COBL: variants seen among roughly 807,000 people sequenced by gnomAD.
COBL encodes protein cordon-bleu.
Under a neutral mutation model 98.8 loss-of-function variants are expected in COBL, and 51 were observed. The observed-to-expected ratio is 0.52, with a 90% CI of 0.41 to 0.65. The LOEUF (loss-of-function observed/expected upper bound fraction) is 0.65, where lower values mean the gene tolerates loss of function less well. Ranked by LOEUF, COBL falls within the 30% of genes least tolerant of loss-of-function variation. The probability of loss-of-function intolerance (pLI) is 0.00; values close to 1 mark genes in which losing one functional copy is unlikely to be tolerated. For synonymous variants in COBL, 634 were observed against 651.7 expected, an observed-to-expected ratio of 0.97 and a Z score of 0.41; for missense variants, 1,617 against 1,617.5, an observed-to-expected ratio of 1.00 and a Z score of 0.01.
Position 51,185,094 on chromosome 7 carries a change from A to G in COBL, c.686-895T>C, listed in dbSNP as rs1789367104. Reference sequence around the variant, plus strand: ...AACCCCTCTTGAATTTTTCTTCATCAGGATTCTAGAGCCAGGTTGGAACCT... The same window carrying G: ...AACCCCTCTTGAATTTTTCTTCATCGGGATTCTAGAGCCAGGTTGGAACCT... On this transcript the variant is annotated intron_variant, in intron 4 of 12. Transcript: ENST00000265136. Among the ~76,000 whole-genome samples, 2 of 152,138 alleles carry G rather than the reference A, an allele frequency of 1.3e-5. 1 individual carries two copies. Among genetic ancestry groups the G allele is most frequent in the South Asian group, 4.1e-4 (2 of 4,826 alleles).
At chr7:51,205,618 G>A (rs1408867113) in intron 2 of COBL, among the ~76,000 whole-genome samples, 1 of 145,314 alleles carries the variant, frequency 6.9e-6, no homozygotes, top group Non-Finnish European at 1.5e-5. Context: ...GCAGTTTTTT[G>A]TTTGTTTGTT....
chr7:51,053,036 G>C (rs978319674), intron 7 of COBL, among the ~76,000 whole-genome samples: 1 of 152,138 alleles, frequency 6.6e-6, no homozygotes, highest in African/African-American at 2.4e-5. Flanking sequence ...GCCTTTAACT[G>C]CATTTCCTTC....
chr7:51,209,061 A>AC (rs1467004481), intron 2 of COBL, among the ~76,000 whole-genome samples: 141 of 113,832 alleles, frequency 1.2e-3, no homozygotes, highest in Middle Eastern at 3.9e-3. Context: ...AAAAAAAAAA[A>AC]AAAAAAAAAA....
intron 1 of COBL, among the ~76,000 whole-genome samples, chr7:51,228,693 A>G (rs1794438399): frequency 6.6e-6 from 1 of 152,190 alleles, no homozygotes; most frequent in Admixed American, 6.5e-5. Context: ...CTGATATCTC[A>G]CAACACATCA....
chr7:51,098,042 A>C (rs1795453678), intron 6 of COBL, among the ~76,000 whole-genome samples: 1 of 138,238 alleles, frequency 7.2e-6, no homozygotes, highest in Non-Finnish European at 1.6e-5. Context: ...AAAAAAAAAA[A>C]GCAATAAGCT....
At chr7:51,131,680 A>G (rs1003588579) in intron 6 of COBL, among the ~76,000 whole-genome samples, 5 of 145,190 alleles carry the variant, frequency 3.4e-5, no homozygotes, top group Non-Finnish European at 7.5e-5. Context: ...TGCAACCCCC[A>G]CCTTCCAGTT....
intron 6 of COBL, among the ~76,000 whole-genome samples, chr7:51,098,280 C>G (rs2128959374): frequency 7.5e-6 from 1 of 132,808 alleles, no homozygotes; most frequent in African/African-American, 3.0e-5. Flanking sequence ...GATGGAATCT[C>G]AAAGTACTCC....
chr7:51,111,355 A>T (rs892669919), intron 6 of COBL, among the ~76,000 whole-genome samples: 2 of 152,140 alleles, frequency 1.3e-5, no homozygotes, highest in Admixed American at 6.5e-5. Flanking sequence ...TTTGATAACA[A>T]GCCCTTCTAA....
chr7:51,035,096 G>C (rs1788507719), intron 8 of COBL: 1 of 152,170 alleles, frequency 6.6e-6, no homozygotes, highest in South Asian at 2.1e-4. Context: ...ATGGTCGGAG[G>C]GTGGCAGGCT....
chr7:51,183,831 A>T (rs902484287), intron 5 of COBL, among the ~76,000 whole-genome samples: 4 of 152,250 alleles, frequency 2.6e-5, no homozygotes, highest in African/African-American at 9.6e-5. Context: ...CCACAGGCAG[A>T]AGGGCTCATG....
At chr7:51,144,632 T>C (rs1200141626) in intron 5 of COBL, among the ~76,000 whole-genome samples, 2 of 152,210 alleles carry the variant, frequency 1.3e-5, no homozygotes, top group East Asian at 3.8e-4. Context: ...ACATCACCAC[T>C]ATCTAGTTTC....
chr7:51,227,492 T>G (rs1327288923), intron 1 of COBL, among the ~76,000 whole-genome samples: 1 of 152,142 alleles, frequency 6.6e-6, no homozygotes, highest in African/African-American at 2.4e-5. Flanking sequence ...ATGGACCTTC[T>G]TCCAGGCAAG....
chr7:51,122,030 T>C (rs772849292), intron 6 of COBL, among the ~76,000 whole-genome samples: 25 of 152,340 alleles, frequency 1.6e-4, no homozygotes, highest in Admixed American at 1.3e-3. Flanking sequence ...ACTTCCTCCA[T>C]GTTGCTAAAC....
intron 6 of COBL, among the ~76,000 whole-genome samples, chr7:51,085,985 G>A (rs980443241): frequency 2.0e-5 from 3 of 152,164 alleles, no homozygotes; most frequent in African/African-American, 7.2e-5. Context: ...GCTTCTAAAG[G>A]CAGCTCATGA....
intron 1 of COBL, among the ~76,000 whole-genome samples, chr7:51,245,954 T>C (rs1032186736): frequency 5.3e-5 from 8 of 152,182 alleles, no homozygotes; most frequent in Non-Finnish European, 7.3e-5. Context: ...GCAAAAATAA[T>C]ATATTATCCA....
At chr7:51,203,545 CA>C (rs1271554765) in intron 2 of COBL, among the ~76,000 whole-genome samples, 3 of 117,102 alleles carry the variant, frequency 2.6e-5, no homozygotes, top group Non-Finnish European at 5.7e-5. Context: ...GCTATTATAA[CA>C]AATATCTTAG....
Position 51,315,432 on chromosome 7 carries a change from T to C in COBL, c.41+1161A>G, listed in dbSNP as rs117300673. ...CACACTTGGGCAACACGCCCGCCTA[T>C]GGGCACATGGGCAGGGTGAGTCAGT... On this transcript the variant is annotated intron_variant, in intron 1 of 12. Coordinates refer to ENST00000265136, the MANE Select transcript of COBL (RefSeq NM_015198.5). 7.8e-3 allele frequency among the ~76,000 whole-genome samples: 1,187 copies of C among 152,296 alleles called. 61 individuals carry two copies. The South Asian group carries it at 0.13, about 17-fold the overall frequency.
intron 4 of COBL, among the ~76,000 whole-genome samples, chr7:51,190,180 C>T (rs1789956713): frequency 6.6e-6 from 1 of 152,172 alleles, no homozygotes; most frequent in South Asian, 2.1e-4. Flanking sequence ...CTGGGAACAG[C>T]AGTTAATGGC....
At chr7:51,172,199 A>G (rs1262361007) in intron 5 of COBL, among the ~76,000 whole-genome samples, 1 of 152,216 alleles carries the variant, frequency 6.6e-6, no homozygotes, top group East Asian at 1.9e-4. Flanking sequence ...GGAAGCATGA[A>G]TTCAATTACC....
Sources: allele counts gnomAD v4.1 joint callset (sites outside exome capture counted in the v4.1 genomes callset), GRCh38; gene constraint gnomAD v4.1.1; transcripts MANE v1.5; gene names NCBI Gene and HGNC (gene_info 2026-07-23, HGNC 2026-07-21).